The following COL25A1 variants were observed in gnomAD, a reference collection of about 807,000 sequenced individuals.
COL25A1 encodes collagen type XXV alpha 1 chain, also known as collagen alpha-1(XXV) chain.
COL25A1 carries 103 observed loss-of-function variants against 128.4 expected under a neutral mutation model. That is an observed-to-expected ratio of 0.80 (90% CI 0.68 to 0.94). COL25A1 has a LOEUF of 0.94. Among genes scored for constraint, COL25A1 ranks in the 40% least tolerant of loss-of-function variants. COL25A1 has a pLI of 0.00. For synonymous variants in COL25A1, 279 were observed against 277.2 expected (o/e 1.01, Z -0.06); for missense variants, 745 against 840.0 (o/e 0.89, Z 1.40).
intron 3 of COL25A1, among the ~76,000 whole-genome samples, chr4:109,218,871 T>A (rs908777221): frequency 4.6e-5 from 7 of 152,090 alleles, no homozygotes; most frequent in African/African-American, 1.4e-4. Context: ...TAATTCTTTC[T>A]CCTTTATAAA....
At chr4:109,026,172 A>G (rs1339468063) in intron 5 of COL25A1, among the ~76,000 whole-genome samples, 1 of 151,656 alleles carries the variant, frequency 6.6e-6, no homozygotes, top group Non-Finnish European at 1.5e-5. Flanking sequence ...TCTCTAGGAA[A>G]TAATTCACCT....
At chr4:109,300,042 TAAAG>T (rs1236294252) in intron 3 of COL25A1, among the ~76,000 whole-genome samples, 3 of 152,150 alleles carry the variant, frequency 2.0e-5, no homozygotes, top group African/African-American at 7.2e-5. Context: ...AAGCTCAAGA[TAAAG>T]AAATCATTTT....
intron 3 of COL25A1, among the ~76,000 whole-genome samples, chr4:109,289,747 C>A (rs909647535): frequency 6.6e-6 from 1 of 152,056 alleles, no homozygotes; most frequent in African/African-American, 2.4e-5. Context: ...TATTTAGGAA[C>A]ATAGAACATC....
intron 37 of COL25A1, 123 bp from the exon 38 acceptor site, chr4:108,814,052 C>A: frequency 1.4e-6 from 1 of 729,366 alleles, no homozygotes; most frequent in Non-Finnish European, 2.4e-6. Context: ...AGCCAACTGA[C>A]TGGCTATCAA....
At chr4:108,843,115 C>T (rs1320956218) in intron 30 of COL25A1, among the ~76,000 whole-genome samples, 1 of 124,132 alleles carries the variant, frequency 8.1e-6, no homozygotes, top group Non-Finnish European at 1.6e-5. Context: ...TGCCACTGTA[C>T]TCCAGCCTGG....
intron 8 of COL25A1, among the ~76,000 whole-genome samples, chr4:108,965,828 T>C (rs1361121884): frequency 3.3e-5 from 5 of 152,182 alleles, no homozygotes; most frequent in Non-Finnish European, 7.3e-5. Flanking sequence ...TTCATTTTTT[T>C]GCAAAGAGGG....
intron 35 of COL25A1, chr4:108,819,769 C>T: frequency 9.5e-7 from 1 of 1,053,698 alleles, no homozygotes; most frequent in Non-Finnish European, 1.2e-6. Context: ...CATCTGATCC[C>T]CTCACACAAA....
intron 3 of COL25A1, among the ~76,000 whole-genome samples, chr4:109,265,878 A>G (rs1781759893): frequency 6.6e-6 from 1 of 152,184 alleles, no homozygotes; most frequent in South Asian, 2.1e-4. Flanking sequence ...TAAGCAGTAG[A>G]AACTACTACC....
chr4:109,182,394 C>T (rs1311720981), intron 3 of COL25A1, among the ~76,000 whole-genome samples: 2 of 152,042 alleles, frequency 1.3e-5, no homozygotes, highest in Non-Finnish European at 2.9e-5. Flanking sequence ...GGAAGCATGT[C>T]AAGAGAGTCT....
At chr4:109,034,536 T>C (rs76724201) in intron 5 of COL25A1, among the ~76,000 whole-genome samples, 424 of 152,354 alleles carry the variant, frequency 2.8e-3, no homozygotes, top group Non-Finnish European at 5.0e-3. Context: ...TTCAAATTCC[T>C]ATTTGGGCTT....
At chr4:108,912,507 A>G (rs1744350440) in intron 13 of COL25A1, among the ~76,000 whole-genome samples, 1 of 152,190 alleles carries the variant, frequency 6.6e-6, no homozygotes, top group Non-Finnish European at 1.5e-5. Context: ...TTAGCATTAG[A>G]AAGTCATAAA....
At position 108,896,709 on chromosome 4, in the gene COL25A1, TC is replaced by T. The variant is rs773126647; in HGVS notation, c.863del (p.Gly288GlufsTer52). On this transcript the variant is annotated frameshift_variant and splice_region_variant, in exon 16 of 38. Coordinates refer to ENST00000399132, the MANE Select transcript of COL25A1 (RefSeq NM_198721.4). LOFTEE classifies it high-confidence loss of function. ...KGEPGEQGEK[G>X]DAGENGPKGD... ...CCTTGGGGCCGTTCTCTCCAGCGTC[TC>T]CCTGAGGAGGTGAGAAAGTGACACA... The T allele has an allele frequency of 1.2e-6, 2 of 1,613,730 alleles. No homozygotes were observed. The highest frequency in any genetic ancestry group is 2.7e-5 in the African/African-American group (2 of 74,902).
intron 6 of COL25A1, among the ~76,000 whole-genome samples, chr4:108,977,722 G>A (rs1400199561): frequency 6.6e-6 from 1 of 152,190 alleles, no homozygotes; most frequent in East Asian, 1.9e-4. Context: ...GGCTGATTTA[G>A]AAAGACATAG....
intron 36 of COL25A1, among the ~76,000 whole-genome samples, chr4:108,817,816 C>G (rs1053108055): frequency 2.0e-5 from 3 of 152,006 alleles, no homozygotes; most frequent in African/African-American, 7.2e-5. Flanking sequence ...CTTCTCTTCC[C>G]GGTCACTATT....
chr4:109,160,569 A>G (rs1772467827), intron 3 of COL25A1, among the ~76,000 whole-genome samples: 1 of 152,198 alleles, frequency 6.6e-6, no homozygotes, highest in Admixed American at 6.5e-5. Flanking sequence ...TGGATAAGCC[A>G]CTACTACCTA....
chr4:109,230,389 C>A (rs1361056387), intron 3 of COL25A1, among the ~76,000 whole-genome samples: 3 of 152,146 alleles, frequency 2.0e-5, no homozygotes, highest in South Asian at 2.1e-4. Context: ...ATGCTGCAAC[C>A]AAATATATTA....
chr4:108,948,324 T>G (rs1228709093), intron 8 of COL25A1, among the ~76,000 whole-genome samples: 1 of 152,118 alleles, frequency 6.6e-6, no homozygotes, highest in East Asian at 1.9e-4. Context: ...TGAACAATCA[T>G]GTAATATGAG....
intron 3 of COL25A1, among the ~76,000 whole-genome samples, chr4:109,064,140 T>C (rs765234504): frequency 1.3e-5 from 2 of 152,306 alleles, no homozygotes; most frequent in Non-Finnish European, 1.5e-5. Flanking sequence ...GGTGGTACTA[T>C]TTACATATAT....
chr4:108,966,405 G>T (rs182850417), intron 8 of COL25A1, among the ~76,000 whole-genome samples: 1 of 152,126 alleles, frequency 6.6e-6, no homozygotes, highest in Admixed American at 6.6e-5. Context: ...AAGTTGAAAG[G>T]GTTCCTAGCA....
Sources: allele counts gnomAD v4.1 joint callset (sites outside exome capture counted in the v4.1 genomes callset), GRCh38; gene constraint gnomAD v4.1.1; transcripts MANE v1.5; gene names NCBI Gene and HGNC (gene_info 2026-07-23, HGNC 2026-07-21).